Variants in AHCY observed in about 807,000 individuals in gnomAD.
AHCY encodes the protein S-adenosyl-L-homocysteine hydrolase.
A neutral mutation model predicts 45.4 loss-of-function variants in AHCY; 24 were observed. The observed-to-expected ratio is 0.53, with a 90% confidence interval of 0.38 to 0.74. AHCY has a LOEUF of 0.74. Ranked by LOEUF, AHCY falls within the 30% of genes least tolerant of loss-of-function variation. The pLI is 0.00. For synonymous variants in AHCY, 245 were observed against 235.1 expected (o/e 1.04, Z -0.39); for missense variants, 449 against 594.1 (o/e 0.76, Z 2.54).
At chr20:34,289,491 T>TG (rs1307934861) in intron 8 of AHCY, among the ~76,000 whole-genome samples, 2 of 146,802 alleles carry the variant, frequency 1.4e-5, no homozygotes, top group African/African-American at 5.1e-5. Context: ...TTTTTTTTTT[T>TG]TGAGATGGAG....
chr20:34,274,335 A>G, the AHCY span, among the ~76,000 whole-genome samples: 1 of 152,066 alleles, frequency 6.6e-6, no homozygotes, highest in East Asian at 1.9e-4. Context: ...GTCTAGATAG[A>G]CCTCACACCT....
intron 9 of AHCY, among the ~76,000 whole-genome samples, chr20:34,282,509 T>C (rs1373465061): frequency 6.6e-6 from 1 of 152,178 alleles, no homozygotes; most frequent in Non-Finnish European, 1.5e-5. Context: ...GGGGTTAGAT[T>C]GTTATGCAGC....
At chr20:34,234,697 G>C in the AHCY span, 1 of 152,064 alleles carries the variant, frequency 6.6e-6, no homozygotes, top group Non-Finnish European at 1.5e-5. Context: ...AGCTACTCGG[G>C]AGGCTGAGGC....
chr20:34,245,139 G>T, the AHCY span, among the ~76,000 whole-genome samples: 30 of 151,902 alleles, frequency 2.0e-4, no homozygotes, highest in South Asian at 8.3e-4. Context: ...TTCGAGACCA[G>T]CCTGGCAAAC....
At chr20:34,279,841 C>T (rs1440034734), downstream of AHCY, among the ~76,000 whole-genome samples, 2 of 151,998 alleles carry the variant, frequency 1.3e-5, no homozygotes, top group African/African-American at 4.8e-5. Flanking sequence ...ATACTGCAAA[C>T]AGCCGGGCAC....
At chr20:34,305,683 G>A (rs2036888541), upstream of AHCY, among the ~76,000 whole-genome samples, 1 of 152,154 alleles carries the variant, frequency 6.6e-6, no homozygotes, top group Admixed American at 6.5e-5. Flanking sequence ...AAGTAGAAAA[G>A]GACACAGCTG....
chr20:34,275,518 G>C (rs1330255192), downstream of AHCY, among the ~76,000 whole-genome samples: 1 of 152,096 alleles, frequency 6.6e-6, no homozygotes, highest in Non-Finnish European at 1.5e-5. Flanking sequence ...TTGTCAGACA[G>C]CAACCTATTG....
At chr20:34,246,604 A>G in the AHCY span, 1 of 661,778 alleles carries the variant, frequency 1.5e-6, no homozygotes, top group South Asian at 1.5e-5. Flanking sequence ...CCACAGGCAC[A>G]TGCCACCATG....
At chr20:34,255,575 T>C in the AHCY span, among the ~76,000 whole-genome samples, 2 of 152,234 alleles carry the variant, frequency 1.3e-5, no homozygotes, top group Non-Finnish European at 2.9e-5. Flanking sequence ...ATAGATGTGA[T>C]TATATATGAA....
At chr20:34,260,424 T>A in the AHCY span, 1 of 1,614,064 alleles carries the variant, frequency 6.2e-7, no homozygotes, top group Non-Finnish European at 8.5e-7. Context: ...TTCCTCTGCT[T>A]CTTCACTGCC....
chr20:34,302,570 G>A (rs2036814518), intron 1 of AHCY: 7 of 969,322 alleles, frequency 7.2e-6, no homozygotes, highest in Non-Finnish European at 8.6e-6. Context: ...AGGCAGTGCC[G>A]ATCCCACAGG....
chr20:34,302,606 C>A (rs2036815295), intron 1 of AHCY: 1 of 985,140 alleles, frequency 1.0e-6, no homozygotes, highest in African/African-American at 1.7e-5. Flanking sequence ...GTTAACTATC[C>A]CTGTATTACA....
the AHCY span, among the ~76,000 whole-genome samples, chr20:34,273,739 C>T: frequency 1.1e-4 from 17 of 152,142 alleles, no homozygotes; most frequent in Non-Finnish European, 2.2e-4. Flanking sequence ...CTAGAGTAGA[C>T]GAGTTACCCT....
the AHCY span, among the ~76,000 whole-genome samples, chr20:34,235,847 A>AAGAT: frequency 1.9e-4 from 9 of 46,372 alleles, no homozygotes; most frequent in African/African-American, 2.8e-4. Flanking sequence ...GAAAGAAGGA[A>AAGAT]GGAAGGAAGG....
chr20:34,235,944 A>AGAAG, the AHCY span, among the ~76,000 whole-genome samples: 2 of 119,248 alleles, frequency 1.7e-5, no homozygotes, highest in Admixed American at 7.7e-5. Context: ...GAGGGAGGGA[A>AGAAG]GAAGGAAGGA....
At chr20:34,309,401 G>A (rs1016563500) in intron 1 of AHCY, among the ~76,000 whole-genome samples, 19 of 152,104 alleles carry the variant, frequency 1.2e-4, no homozygotes, top group African/African-American at 4.3e-4. Context: ...AGGAGTTTTG[G>A]TGCGCCCTGT....
At chr20:34,298,444 C>A (rs1258278033) in intron 1 of AHCY, among the ~76,000 whole-genome samples, 1 of 151,106 alleles carries the variant, frequency 6.6e-6, no homozygotes. Flanking sequence ...AGAGTGCGAG[C>A]CTTCTGTTAT....
intron 1 of AHCY, among the ~76,000 whole-genome samples, chr20:34,310,253 G>C (rs1398469589): frequency 1.3e-5 from 2 of 152,088 alleles, no homozygotes; most frequent in Non-Finnish European, 2.9e-5. Context: ...TAGAGATGGG[G>C]TTTCACTATG....
Position 34,291,583 on chromosome 20 carries a change from G to A in AHCY, c.446-52C>T, listed in dbSNP as rs757026135. On this transcript the variant is annotated intron_variant, in intron 4 of 9. Coordinates refer to ENST00000217426, the MANE Select transcript of AHCY (RefSeq NM_000687.4). ...TCAGAGATGCCACACCTGTGCTCAT[G>A]CAAATTCCTCATCTTTACCCCCTAA... 4.7e-6 allele frequency: 7 copies of A among 1,498,328 alleles called. No homozygotes were observed. The Admixed American group carries it at 6.7e-5, about 14-fold the overall frequency. The allele number at this position is 1,498,328 out of a possible 1,614,324, so 92.8% of individuals were successfully genotyped here.
Sources: gnomAD v4.1 joint callset for allele counts (sites outside exome capture counted in the v4.1 genomes callset) on GRCh38, gnomAD v4.1.1 for gene constraint, MANE v1.5 for transcripts, NCBI Gene and HGNC (gene_info 2026-07-23, HGNC 2026-07-21) for gene names.